The following SLC35D4 variants were observed in gnomAD, a reference collection of about 807,000 sequenced individuals.
The protein encoded by SLC35D4 is UDP-N-acetylglucosamine transporter SLC35D4.
chr18:23,294,217 A>G, the SLC35D4 span, among the ~76,000 whole-genome samples: 5 of 152,146 alleles, frequency 3.3e-5, no homozygotes, highest in African/African-American at 1.2e-4. Flanking sequence ...CCCAAATCCC[A>G]AGGCTCTGAC....
the SLC35D4 span, among the ~76,000 whole-genome samples, chr18:23,287,218 T>A: frequency 1.3e-5 from 2 of 152,200 alleles, no homozygotes; most frequent in African/African-American, 4.8e-5. Flanking sequence ...TTGTTTTGCC[T>A]ATCCACCCCG....
chr18:23,350,744 T>C, the SLC35D4 span, among the ~76,000 whole-genome samples: 1 of 152,148 alleles, frequency 6.6e-6, no homozygotes, highest in South Asian at 2.1e-4. Context: ...CAGACAATCC[T>C]CCAAACAGAG....
chr18:23,361,103 CAAAAAA>C, the SLC35D4 span, among the ~76,000 whole-genome samples: 11,807 of 93,968 alleles, frequency 0.13, 501 homozygotes, highest in African/African-American at 0.24. Flanking sequence ...GACTTTGTCT[CAAAAAA>C]AAAAAAAAAA....
At chr18:23,342,106 A>G in the SLC35D4 span, among the ~76,000 whole-genome samples, 2 of 152,220 alleles carry the variant, frequency 1.3e-5, no homozygotes, top group Non-Finnish European at 2.9e-5. Flanking sequence ...CACTTATTAT[A>G]AAGTGTAATG....
At chr18:23,296,192 T>C in the SLC35D4 span, 1 of 151,932 alleles carries the variant, frequency 6.6e-6, no homozygotes, top group East Asian at 1.9e-4. Context: ...TGCATACCTA[T>C]GTAACAAACC....
chr18:23,401,212 G>A, the SLC35D4 span, among the ~76,000 whole-genome samples: 1 of 152,192 alleles, frequency 6.6e-6, no homozygotes, highest in Non-Finnish European at 1.5e-5. Flanking sequence ...TGCCTGCGGT[G>A]AGAAGAGCTG....
chr18:23,283,315 C>CA, the SLC35D4 span, among the ~76,000 whole-genome samples: 1,346 of 150,248 alleles, frequency 9.0e-3, 18 homozygotes, highest in African/African-American at 0.031. Context: ...CCTATCCCTA[C>CA]AAAAAAAATA....
the SLC35D4 span, chr18:23,430,651 GGT>G: frequency 6.2e-7 from 1 of 1,612,562 alleles, no homozygotes; most frequent in Non-Finnish European, 8.5e-7. Context: ...ATGTAGGGTA[GGT>G]AAATTTCAAG....
the SLC35D4 span, among the ~76,000 whole-genome samples, chr18:23,401,033 G>T: frequency 6.6e-6 from 1 of 152,124 alleles, no homozygotes; most frequent in African/African-American, 2.4e-5. Flanking sequence ...CACTTTGCTG[G>T]TTTTTTCTTT....
the SLC35D4 span, chr18:23,371,487 A>G: frequency 6.3e-7 from 1 of 1,585,388 alleles, no homozygotes. Context: ...CACAAAATTA[A>G]AAAAAGAAAA....
chr18:23,393,873 C>A, the SLC35D4 span, among the ~76,000 whole-genome samples: 1 of 152,198 alleles, frequency 6.6e-6, no homozygotes, highest in Non-Finnish European at 1.5e-5. Flanking sequence ...CCTGCCTTGG[C>A]CTCCCAAAGT....
the SLC35D4 span, among the ~76,000 whole-genome samples, chr18:23,385,344 T>C: frequency 6.6e-6 from 1 of 152,194 alleles, no homozygotes; most frequent in Non-Finnish European, 1.5e-5. Flanking sequence ...ACACATCCCA[T>C]GACAAGGTAA....
chr18:23,269,359 G>A, the SLC35D4 span, among the ~76,000 whole-genome samples: 2 of 152,206 alleles, frequency 1.3e-5, no homozygotes, highest in African/African-American at 2.4e-5. Flanking sequence ...TGTGAAGAAC[G>A]TGTTTGCTTC....
the SLC35D4 span, among the ~76,000 whole-genome samples, chr18:23,409,860 A>G: frequency 1.0e-5 from 1 of 100,476 alleles, no homozygotes; most frequent in Non-Finnish European, 2.0e-5. Context: ...AAAAAAAAAA[A>G]AAAAGAGGAT....
At chr18:23,357,371 C>T in the SLC35D4 span, among the ~76,000 whole-genome samples, 1 of 152,180 alleles carries the variant, frequency 6.6e-6, no homozygotes, top group Non-Finnish European at 1.5e-5. Flanking sequence ...TTGGCTGCTT[C>T]CCTCTCTGGA....
chr18:23,264,337 G>T, the SLC35D4 span, among the ~76,000 whole-genome samples: 1 of 150,848 alleles, frequency 6.6e-6, no homozygotes, highest in African/African-American at 2.4e-5. Flanking sequence ...GGGTGGGAAG[G>T]TGCCACACTT....
chr18:23,275,617 C>CCG, the SLC35D4 span, among the ~76,000 whole-genome samples: 14 of 141,588 alleles, frequency 9.9e-5, no homozygotes, highest in African/African-American at 3.4e-4. Flanking sequence ...CTGTGCTGTG[C>CCG]TGTGCTGTGC....
the SLC35D4 span, among the ~76,000 whole-genome samples, chr18:23,324,870 G>T: frequency 2.6e-5 from 4 of 152,172 alleles, no homozygotes; most frequent in Non-Finnish European, 5.9e-5. Flanking sequence ...AAGGAAAACC[G>T]AAGAGAGTGA....
At chr18:23,338,719 T>A in the SLC35D4 span, among the ~76,000 whole-genome samples, 1 of 152,176 alleles carries the variant, frequency 6.6e-6, no homozygotes, top group Non-Finnish European at 1.5e-5. Context: ...CATTTTCTAA[T>A]TTTGCAATAT....
Sources: allele counts gnomAD v4.1 joint callset (sites outside exome capture counted in the v4.1 genomes callset), GRCh38; gene constraint gnomAD v4.1.1; transcripts MANE v1.5; gene names NCBI Gene and HGNC (gene_info 2026-07-23, HGNC 2026-07-21).